The following CTNNA3 variants were observed in gnomAD, a reference collection of about 807,000 sequenced individuals.
The protein encoded by CTNNA3 is catenin alpha 3.
CTNNA3 carries 76 observed loss-of-function variants against 95.7 expected under a neutral mutation model. The ratio of observed to expected loss-of-function variants is 0.79; its 90% CI spans 0.66 to 0.96. The LOEUF (loss-of-function observed/expected upper bound fraction) is 0.96. CTNNA3 is among the 40% of genes least tolerant of loss of function. CTNNA3 has a pLI of 0.00. For synonymous variants in CTNNA3, 431 were observed against 374.4 expected, an observed-to-expected ratio of 1.15 and a Z score of -1.74; for missense variants, 1,191 against 1,089.8, an observed-to-expected ratio of 1.09 and a Z score of -1.31.
intron 15 of CTNNA3, among the ~76,000 whole-genome samples, chr10:66,007,826 C>T (rs2078928441): frequency 7.2e-6 from 1 of 138,342 alleles, no homozygotes; most frequent in Non-Finnish European, 1.6e-5. Flanking sequence ...TCCCTTTCTT[C>T]CTTCCTTTCC....
chr10:67,483,585 A>G (rs573218041), intron 5 of CTNNA3, among the ~76,000 whole-genome samples: 2 of 151,638 alleles, frequency 1.3e-5, no homozygotes, highest in Non-Finnish European at 2.9e-5. Flanking sequence ...AGGAAGGGGA[A>G]CATCACACTC....
intron 5 of CTNNA3, among the ~76,000 whole-genome samples, chr10:67,513,531 T>C (rs1839709148): frequency 6.6e-6 from 1 of 152,190 alleles, no homozygotes; most frequent in African/African-American, 2.4e-5. Flanking sequence ...TGTCCCTGAA[T>C]ACAGGACAGA....
At chr10:65,968,750 GT>G (rs1265489730) in intron 16 of CTNNA3, among the ~76,000 whole-genome samples, 1 of 152,208 alleles carries the variant, frequency 6.6e-6, no homozygotes, top group Non-Finnish European at 1.5e-5. Context: ...GGAGTACCCA[GT>G]CCCCTGGATT....
At chr10:67,092,401 T>C (rs1857702453) in intron 7 of CTNNA3, among the ~76,000 whole-genome samples, 1 of 151,980 alleles carries the variant, frequency 6.6e-6, no homozygotes, top group African/African-American at 2.4e-5. Flanking sequence ...GCCTTTTTGT[T>C]ATTCCTTCAC....
intron 13 of CTNNA3, among the ~76,000 whole-genome samples, chr10:66,233,015 C>T (rs962320351): frequency 3.3e-5 from 5 of 151,776 alleles, no homozygotes; most frequent in Non-Finnish European, 5.9e-5. Context: ...CAAAAATTAG[C>T]CGGGCGTGGT....
chr10:66,921,088 TG>T (rs1846761876), intron 7 of CTNNA3, among the ~76,000 whole-genome samples: 2 of 152,300 alleles, frequency 1.3e-5, no homozygotes, highest in South Asian at 2.1e-4. Context: ...TTCTAATGGC[TG>T]GGAAGTCCAA....
intron 15 of CTNNA3, among the ~76,000 whole-genome samples, chr10:66,039,760 C>T (rs1269003067): frequency 1.3e-5 from 2 of 152,042 alleles, no homozygotes; most frequent in East Asian, 3.9e-4. Flanking sequence ...AAGAAAAAAC[C>T]CCAGACTATA....
intron 4 of CTNNA3, among the ~76,000 whole-genome samples, chr10:67,536,902 C>A (rs1840503479): frequency 6.6e-6 from 1 of 151,994 alleles, no homozygotes; most frequent in East Asian, 1.9e-4. Flanking sequence ...ATCTCAGAAA[C>A]AATTTAGTGA....
rs76673213 is a variant in CTNNA3 at position 67,454,100 on chromosome 10, T to C, written c.579+67742A>G. Reference sequence around the variant, plus strand: ...ATCTACAGAGGAAAACATTCATTTCTTTATCAGGCAGAATCACTATATTAG... The same window carrying C: ...ATCTACAGAGGAAAACATTCATTTCCTTATCAGGCAGAATCACTATATTAG... On this transcript the variant is annotated intron_variant, in intron 5 of 17. Transcript: ENST00000433211. Among the ~76,000 whole-genome samples, 4,035 of 152,252 alleles carry C rather than the reference T, an allele frequency of 0.027. 389 individuals are homozygous for C. The East Asian group carries it at 0.34, about 13-fold the overall frequency.
chr10:66,692,695 T>G (rs545428912), intron 9 of CTNNA3, among the ~76,000 whole-genome samples: 3 of 152,140 alleles, frequency 2.0e-5, no homozygotes, highest in African/African-American at 4.8e-5. Context: ...GGAAAAAATG[T>G]TAAGGGCAGC....
intron 7 of CTNNA3, among the ~76,000 whole-genome samples, chr10:66,935,528 TA>T (rs929847668): frequency 1.3e-5 from 2 of 152,028 alleles, no homozygotes; most frequent in Non-Finnish European, 2.9e-5. Flanking sequence ...ATCACTGAAT[TA>T]TGATTAAAAT....
chr10:66,249,836 GAAAC>G (rs943853207), intron 13 of CTNNA3, among the ~76,000 whole-genome samples: 10 of 151,910 alleles, frequency 6.6e-5, no homozygotes, highest in African/African-American at 2.4e-4. Context: ...AACAAACAAA[GAAAC>G]AAACAAACAA....
chr10:67,053,601 A>C (rs1050087206), intron 7 of CTNNA3, among the ~76,000 whole-genome samples: 2 of 152,178 alleles, frequency 1.3e-5, no homozygotes, highest in Non-Finnish European at 2.9e-5. Context: ...CATCTGAAGC[A>C]CTTTTTGCTC....
chr10:66,078,625 ATAAC>A (rs927582521), intron 14 of CTNNA3, among the ~76,000 whole-genome samples: 48 of 152,110 alleles, frequency 3.2e-4, no homozygotes, highest in African/African-American at 1.1e-3. Flanking sequence ...AAAATAAACT[ATAAC>A]TAAGCCATAT....
At chr10:65,940,090 T>G (rs2077406689) in intron 17 of CTNNA3, among the ~76,000 whole-genome samples, 1 of 152,146 alleles carries the variant, frequency 6.6e-6, no homozygotes, top group Admixed American at 6.5e-5. Flanking sequence ...TTATTTCAAT[T>G]TTCTAGAACC....
intron 1 of CTNNA3, among the ~76,000 whole-genome samples, chr10:67,743,890 C>A (rs1841358394): frequency 6.6e-6 from 1 of 151,072 alleles, no homozygotes. Flanking sequence ...CATGAGTGAA[C>A]TCCCATTCAC....
At chr10:67,004,490 G>A (rs1257984948) in intron 7 of CTNNA3, among the ~76,000 whole-genome samples, 1 of 113,816 alleles carries the variant, frequency 8.8e-6, no homozygotes, top group Non-Finnish European at 2.0e-5. Flanking sequence ...TTCCCATAAT[G>A]CTTCTTCCCT....
chr10:66,720,426 C>T (rs1268181243), intron 9 of CTNNA3, among the ~76,000 whole-genome samples: 2 of 152,302 alleles, frequency 1.3e-5, no homozygotes, highest in South Asian at 2.1e-4. Flanking sequence ...AGGGCCATTG[C>T]CGTGCAGGTT....
At chr10:66,053,056 A>T (rs2133543482) in intron 15 of CTNNA3, among the ~76,000 whole-genome samples, 1 of 152,220 alleles carries the variant, frequency 6.6e-6, no homozygotes. Flanking sequence ...GACAGCGAGA[A>T]TAAGGCTGAC....
Sources: allele counts gnomAD v4.1 joint callset (sites outside exome capture counted in the v4.1 genomes callset), GRCh38; gene constraint gnomAD v4.1.1; transcripts MANE v1.5; gene names NCBI Gene and HGNC (gene_info 2026-07-23, HGNC 2026-07-21).